AXL: variants seen among roughly 807,000 people sequenced by gnomAD.
The protein encoded by AXL is tyrosine-protein kinase receptor UFO.
In AXL, 52 loss-of-function variants were observed where a neutral mutation model predicts 104.5. The observed-to-expected ratio is 0.50, with a 90% CI of 0.40 to 0.63. The LOEUF (loss-of-function observed/expected upper bound fraction) is 0.63. Ranked by LOEUF, AXL falls within the 20% of genes least tolerant of loss-of-function variation. AXL has a pLI of 0.00. For synonymous variants in AXL, 455 were observed against 473.7 expected (o/e 0.96, Z 0.51); for missense variants, 1,024 against 1,188.5 (o/e 0.86, Z 2.04).
intron 6 of AXL, among the ~76,000 whole-genome samples, chr19:41,235,670 C>G (rs572678449): frequency 6.6e-6 from 1 of 152,268 alleles, no homozygotes; most frequent in African/African-American, 2.4e-5. Flanking sequence ...AGCAAAGACT[C>G]TGGGGACAGG....
chr19:41,231,304 A>T lies in AXL; in HGVS notation c.783+6A>T. ...TGACCCACTGCACCCTGCAGGTGAG[A>T]CTCCCAAACTTGGTTCATTTCAGTC... is the stretch of plus-strand genomic sequence containing the variant. On this transcript the variant is annotated splice_donor_region_variant and intron_variant, in intron 6 of 19. Coordinates refer to ENST00000301178, the MANE Select transcript of AXL (RefSeq NM_021913.5). 4 of 1,607,446 alleles carry T rather than the reference A, an allele frequency of 2.5e-6. No homozygotes were observed. The highest frequency in any genetic ancestry group is 3.4e-6 in the Non-Finnish European group (4 of 1,176,130).
At chr19:41,252,143 TA>T (rs1362818351) in intron 14 of AXL, among the ~76,000 whole-genome samples, 33 of 143,960 alleles carry the variant, frequency 2.3e-4, no homozygotes, top group African/African-American at 8.1e-4. Context: ...ATATATATTT[TA>T]TATATATATA....
At chr19:41,220,147 TTTC>T (rs2122193882) in intron 1 of AXL, among the ~76,000 whole-genome samples, 2 of 149,604 alleles carry the variant, frequency 1.3e-5, no homozygotes, top group East Asian at 4.1e-4. Context: ...TTGAGGGCTG[TTTC>T]TTCATTTTTT....
chr19:41,259,102 A>G (rs2034496593), intron 19 of AXL, among the ~76,000 whole-genome samples: 1 of 152,200 alleles, frequency 6.6e-6, no homozygotes, highest in Non-Finnish European at 1.5e-5. Context: ...AGTCACACAC[A>G]CCATCACTTC....
At position 41,248,609 on chromosome 19, in the gene AXL, G is replaced by A. The variant is rs761836927; in HGVS notation, c.1633G>A (p.Gly545Arg). The A allele has an allele frequency of 6.2e-7, 1 of 1,614,070 alleles. No individual in the cohort carries two copies. Among genetic ancestry groups the A allele is most frequent in the Non-Finnish European group, 8.5e-7 (1 of 1,179,964 alleles). ...GGCCCTGGGGAAGACTCTGGGAGAG[G>A]GTGAGTCCCCCGGCAGCATACACAC... The part of the protein sequence containing the change: ...KVALGKTLGE[G>R]EFGAVMEGQL... Residue 545 changes from glycine (G) to arginine (R), a missense_variant and splice_region_variant, in exon 13 of 20, where the codon GGA (glycine) becomes AGA (arginine). Physicochemically the swap from Gly to Arg is moderately radical, Grantham distance 125. Coordinates refer to ENST00000301178, the MANE Select transcript of AXL (RefSeq NM_021913.5).
chr19:41,248,442 C>A (rs2034305801), intron 12 of AXL, 72 bp from the exon 13 acceptor site: 1 of 1,400,728 alleles, frequency 7.1e-7, no homozygotes, highest in Non-Finnish European at 1.0e-6. Context: ...GGATCTATCC[C>A]TACTGGTGGG....
chr19:41,221,343 T>C, intron 3 of AXL, 97 bp downstream of exon 3: 1 of 1,065,668 alleles, frequency 9.4e-7, no homozygotes, highest in East Asian at 2.5e-5. Flanking sequence ...GGTCAAAGGG[T>C]GCTGGAGGAT....
chr19:41,225,637 C>T (rs528271124), intron 4 of AXL, among the ~76,000 whole-genome samples: 3 of 152,262 alleles, frequency 2.0e-5, no homozygotes, highest in East Asian at 1.9e-4. Flanking sequence ...GTTTGTCCCA[C>T]GTTGGCTTGT....
At chr19:41,235,786 T>C (rs1274075876) in intron 6 of AXL, among the ~76,000 whole-genome samples, 1 of 152,196 alleles carries the variant, frequency 6.6e-6, no homozygotes, top group Non-Finnish European at 1.5e-5. Context: ...GGAATAAGCA[T>C]AATGCTTACC....
intron 6 of AXL, among the ~76,000 whole-genome samples, chr19:41,232,464 A>G (rs2034008119): frequency 6.6e-6 from 1 of 152,068 alleles, no homozygotes. Flanking sequence ...TCTACTAAAA[A>G]TACAAAAAAT....
Position 41,231,029 on chromosome 19 carries a change from C to T in AXL, c.649C>T (p.Arg217Cys), listed in dbSNP as rs768702995. The T allele has an allele frequency of 4.3e-6, 7 of 1,613,848 alleles. No homozygotes were observed. The highest frequency in any genetic ancestry group is 2.2e-5 in the South Asian group (2 of 91,092). The part of the protein sequence containing the change: ...AHNAKGVTTS[R>C]TATITVLPQQ... Reference sequence around the variant, plus strand: ...TAACGCCAAGGGGGTCACCACATCCCGCACAGCCACCATCACAGGTGACAG... The same window carrying T: ...TAACGCCAAGGGGGTCACCACATCCTGCACAGCCACCATCACAGGTGACAG... The change falls in exon 5 of 20, where the codon CGC becomes TGC. Residue 217 changes from arginine to cysteine, a missense_variant. Arg to Cys is a radical substitution (Grantham distance 180). Coordinates refer to ENST00000301178, the MANE Select transcript of AXL (RefSeq NM_021913.5).
chr19:41,223,210 G>A (rs550983050), intron 4 of AXL, among the ~76,000 whole-genome samples: 5 of 151,836 alleles, frequency 3.3e-5, no homozygotes, highest in Non-Finnish European at 7.4e-5. Context: ...CAGGAGAATC[G>A]CTTGAACCCG....
chr19:41,252,580 C>A, intron 15 of AXL, 137 bp downstream of exon 15: 1 of 1,089,480 alleles, frequency 9.2e-7, no homozygotes, highest in Non-Finnish European at 1.3e-6. Flanking sequence ...GCAGGCTTCC[C>A]CCTCCTAGTC....
intron 17 of AXL, among the ~76,000 whole-genome samples, chr19:41,254,308 C>T (rs746685299): frequency 2.1e-5 from 3 of 143,546 alleles, no homozygotes; most frequent in South Asian, 2.2e-4. Context: ...ACCCAGGAGG[C>T]GGAGGTTGCA....
intron 14 of AXL, among the ~76,000 whole-genome samples, chr19:41,250,172 C>T (rs1479618373): frequency 2.0e-5 from 3 of 152,172 alleles, no homozygotes; most frequent in Non-Finnish European, 4.4e-5. Flanking sequence ...GCAAGTAGGA[C>T]ATGCTTGTTA....
intron 2 of AXL, 63 bp from the exon 3 acceptor site, chr19:41,221,083 A>G: frequency 6.8e-7 from 1 of 1,476,166 alleles, no homozygotes; most frequent in Non-Finnish European, 9.3e-7. Context: ...CCGTTCTGAC[A>G]GACCCCCTCC....
At chr19:41,242,078 G>A (rs968321275) in intron 10 of AXL, among the ~76,000 whole-genome samples, 1 of 151,876 alleles carries the variant, frequency 6.6e-6, no homozygotes. Context: ...CCCATCTCAT[G>A]TTCATCTAGC....
intron 10 of AXL, among the ~76,000 whole-genome samples, chr19:41,241,638 C>A (rs1318001419): frequency 1.3e-5 from 2 of 150,950 alleles, no homozygotes; most frequent in Non-Finnish European, 3.0e-5. Context: ...CCTGCAGTCC[C>A]AGCTACTCAG....
chr19:41,226,230 G>C (rs2033878254), intron 4 of AXL, among the ~76,000 whole-genome samples: 1 of 152,088 alleles, frequency 6.6e-6, no homozygotes, highest in African/African-American at 2.4e-5. Context: ...GTCGGAACGG[G>C]ACCCGGCTCC....
Sources: gnomAD v4.1 joint callset for allele counts (sites outside exome capture counted in the v4.1 genomes callset) on GRCh38, gnomAD v4.1.1 for gene constraint, MANE v1.5 for transcripts, NCBI Gene and HGNC (gene_info 2026-07-23, HGNC 2026-07-21) for gene names.